Variants in SLC30A8 observed in about 807,000 individuals in gnomAD.
SLC30A8 encodes proton-coupled zinc antiporter SLC30A8.
In SLC30A8, 27 loss-of-function variants were observed where a neutral mutation model predicts 36.9. That is an observed-to-expected ratio of 0.73 (90% CI 0.54 to 1.01). The LOEUF (loss-of-function observed/expected upper bound fraction) is 1.01, where lower values mean the gene tolerates loss of function less well. SLC30A8 is among the 50% of genes least tolerant of loss of function. SLC30A8 has a pLI of 0.00. For missense variants in SLC30A8, 439 were observed against 452.0 expected (o/e 0.97, Z 0.26); for synonymous variants, 164 against 172.4 (o/e 0.95, Z 0.38).
chr8:117,084,303 C>A (rs575444313), intron 2 of SLC30A8, among the ~76,000 whole-genome samples: 1 of 152,182 alleles, frequency 6.6e-6, no homozygotes, highest in East Asian at 1.9e-4. Flanking sequence ...CATGAAGAGA[C>A]GACTGGTACC....
chr8:117,078,250 C>A (rs1015988479), intron 2 of SLC30A8, among the ~76,000 whole-genome samples: 5 of 152,262 alleles, frequency 3.3e-5, no homozygotes, highest in Admixed American at 3.3e-4. Context: ...GGAATTTCTT[C>A]CCATTGATGG....
chr8:117,092,564 A>G (rs755451173), intron 2 of SLC30A8, among the ~76,000 whole-genome samples: 11 of 152,230 alleles, frequency 7.2e-5, no homozygotes, highest in Non-Finnish European at 8.8e-5. Context: ...CATTCATTCA[A>G]CAAAGATTTC....
intron 2 of SLC30A8, among the ~76,000 whole-genome samples, chr8:117,121,107 A>G (rs1332232338): frequency 6.6e-6 from 1 of 151,940 alleles, no homozygotes; most frequent in African/African-American, 2.4e-5. Context: ...TAAATAAGAA[A>G]TAGAACAATG....
chr8:117,134,669 C>T (rs181758815), upstream of SLC30A8: 1 of 152,108 alleles, frequency 6.6e-6, no homozygotes, highest in African/African-American at 2.4e-5. Context: ...CAGAGTCTGT[C>T]CTTCTCTTGC....
chr8:117,065,297 T>C (rs576407111), intron 2 of SLC30A8, among the ~76,000 whole-genome samples: 1 of 152,282 alleles, frequency 6.6e-6, no homozygotes, highest in African/African-American at 2.4e-5. Context: ...TTGTGAGTTG[T>C]TTTGCTGATA....
chr8:117,169,382 C>T (rs1823246159), intron 6 of SLC30A8, among the ~76,000 whole-genome samples: 1 of 151,996 alleles, frequency 6.6e-6, no homozygotes, highest in African/African-American at 2.4e-5. Flanking sequence ...GGTCTGATTG[C>T]AAAAATTCAA....
At chr8:117,032,198 T>C (rs1287467059) in intron 1 of SLC30A8, among the ~76,000 whole-genome samples, 1 of 151,946 alleles carries the variant, frequency 6.6e-6, no homozygotes. Flanking sequence ...AACTTCTCTA[T>C]CTACTACTGA....
chr8:117,002,616 G>GT (rs913587374), intron 1 of SLC30A8, among the ~76,000 whole-genome samples: 18 of 151,934 alleles, frequency 1.2e-4, no homozygotes, highest in African/African-American at 4.1e-4. Context: ...TTTTGTTTTT[G>GT]TTTTTTTGAA....
At chr8:116,977,969 C>G (rs1167451612) in intron 1 of SLC30A8, among the ~76,000 whole-genome samples, 1 of 151,496 alleles carries the variant, frequency 6.6e-6, no homozygotes, top group Non-Finnish European at 1.5e-5. Context: ...TTCCCTTCTG[C>G]TTGCTGGGAA....
chr8:117,126,018 C>G (rs1230044292), intron 2 of SLC30A8, among the ~76,000 whole-genome samples: 1 of 151,952 alleles, frequency 6.6e-6, no homozygotes, highest in Non-Finnish European at 1.5e-5. Flanking sequence ...TCTCCTCTCT[C>G]TAGCTGTGTT....
At chr8:117,038,908 G>A (rs1817299045) in intron 1 of SLC30A8, among the ~76,000 whole-genome samples, 1 of 152,190 alleles carries the variant, frequency 6.6e-6, no homozygotes, top group South Asian at 2.1e-4. Context: ...CTCTGAAGAT[G>A]CTTTATGAAT....
At chr8:117,119,043 C>T (rs1229299490) in intron 2 of SLC30A8, among the ~76,000 whole-genome samples, 1 of 151,700 alleles carries the variant, frequency 6.6e-6, no homozygotes, top group Non-Finnish European at 1.5e-5. Flanking sequence ...TTGTTTGGCT[C>T]CCATGGTAAG....
At position 117,153,723 on chromosome 8, in the gene SLC30A8, GGTGT is replaced by G. The variant is rs59464276; in HGVS notation, c.418+662_418+665del. On this transcript the variant is annotated intron_variant, in intron 3 of 7. Coordinates refer to ENST00000456015, the MANE Select transcript of SLC30A8 (RefSeq NM_173851.3). ...GGCAGTAGCCAAGGTCATGATAAGG[GGTGT>G]GTGTGTGTGTGTGTGTGTGTGTGTG... is the stretch of plus-strand genomic sequence containing the variant. Among the ~76,000 whole-genome samples the G allele has an allele frequency of 1.5e-3, 220 of 146,978 alleles. 1 individual carries two copies. The highest frequency in any genetic ancestry group is 0.013 in the East Asian group (62 of 4,950).
upstream of SLC30A8, among the ~76,000 whole-genome samples, chr8:117,134,005 C>T (rs925112764): frequency 1.3e-5 from 2 of 151,894 alleles, no homozygotes; most frequent in Admixed American, 6.6e-5. Flanking sequence ...ATAAGAGGTA[C>T]AGCTACACCA....
In SLC30A8 at chr8:117,129,003, G is replaced by A. The variant is rs1003771819; in HGVS notation, c.-225-6277G>A. ...CATGTTAGTTTCAGCAGTAACGTTA[G>A]TTAAAATGGGTGCTTGGGCTGGATT... is the stretch of plus-strand genomic sequence containing the variant. On this transcript the variant is annotated intron_variant, in intron 2 of 10. Transcript: ENST00000427715. 2.9e-4 allele frequency among the ~76,000 whole-genome samples: 44 copies of A among 152,136 alleles called. 1 individual carries two copies. Among genetic ancestry groups the A allele is most frequent in the African/African-American group, 9.9e-4 (41 of 41,546 alleles).
At chr8:117,018,594 C>T (rs1816597864) in intron 1 of SLC30A8, among the ~76,000 whole-genome samples, 1 of 151,444 alleles carries the variant, frequency 6.6e-6, no homozygotes, top group South Asian at 2.1e-4. Context: ...TTGCATAGCA[C>T]TGTTGCGTTT....
At chr8:117,002,289 A>AT (rs1019653490) in intron 1 of SLC30A8, among the ~76,000 whole-genome samples, 2 of 152,322 alleles carry the variant, frequency 1.3e-5, no homozygotes, top group Admixed American at 1.3e-4. Flanking sequence ...GAGAGATAAG[A>AT]TATATAAACT....
intron 2 of SLC30A8, among the ~76,000 whole-genome samples, chr8:117,152,245 T>C (rs116452213): frequency 0.034 from 5,115 of 152,156 alleles, 296 homozygotes; most frequent in African/African-American, 0.12. Context: ...AACTTCTATT[T>C]TGGAGGCTGG....
intron 2 of SLC30A8, among the ~76,000 whole-genome samples, chr8:117,116,717 A>G (rs1469823923): frequency 6.6e-6 from 1 of 152,026 alleles, no homozygotes; most frequent in Non-Finnish European, 1.5e-5. Context: ...GCCACCATCA[A>G]AGTCTTTTCT....
Sources: gnomAD v4.1 joint callset for allele counts (sites outside exome capture counted in the v4.1 genomes callset) on GRCh38, gnomAD v4.1.1 for gene constraint, MANE v1.5 for transcripts, NCBI Gene and HGNC (gene_info 2026-07-23, HGNC 2026-07-21) for gene names.